The following CNBD1 variants were observed in gnomAD, a reference collection of about 807,000 sequenced individuals.
CNBD1 encodes cyclic nucleotide-binding domain-containing protein 1.
In CNBD1, 71 loss-of-function variants were observed where a neutral mutation model predicts 54.4. The observed-to-expected ratio is 1.30, with a 90% confidence interval of 1.08 to 1.59. The LOEUF (loss-of-function observed/expected upper bound fraction) is 1.59, where lower values mean the gene tolerates loss of function less well. CNBD1 is among the 40% of genes most tolerant of loss of function. CNBD1 has a pLI of 0.00. For missense variants in CNBD1, 659 were observed against 518.0 expected, an observed-to-expected ratio of 1.27 and a Z score of -2.64; for synonymous variants, 182 against 170.7, an observed-to-expected ratio of 1.07 and a Z score of -0.51.
At chr8:87,109,952 C>G (rs566162557) in intron 4 of CNBD1, among the ~76,000 whole-genome samples, 1 of 152,126 alleles carries the variant, frequency 6.6e-6, no homozygotes, top group Non-Finnish European at 1.5e-5. Flanking sequence ...TGCCTCTTCC[C>G]CAGGCCTTCT....
intron 2 of CNBD1, among the ~76,000 whole-genome samples, chr8:87,407,215 A>G (rs1420221307): frequency 6.6e-6 from 1 of 152,080 alleles, no homozygotes; most frequent in African/African-American, 2.4e-5. Context: ...CTCACTGGTA[A>G]TATTATGAGT....
In CNBD1 at chr8:86,925,069, A is replaced by G. The variant is rs182050179; in HGVS notation, c.273-14527A>G. On this transcript the variant is annotated intron_variant, in intron 3 of 10. Coordinates refer to ENST00000518476, the MANE Select transcript of CNBD1 (RefSeq NM_173538.3). Reference sequence around the variant, plus strand: ...ACCTTAAAATATTCTTTCTTATATTATAAGAGATGACAGGATTTCAATATT... The same window carrying G: ...ACCTTAAAATATTCTTTCTTATATTGTAAGAGATGACAGGATTTCAATATT... Among the ~76,000 whole-genome samples the G allele has an allele frequency of 7.3e-4, 111 of 152,302 alleles. 1 individual carries two copies. The highest frequency in any genetic ancestry group is 2.1e-3 in the African/African-American group (88 of 41,570).
intron 4 of CNBD1, among the ~76,000 whole-genome samples, chr8:86,941,532 C>T (rs1055621826): frequency 6.6e-6 from 1 of 152,032 alleles, no homozygotes; most frequent in Non-Finnish European, 1.5e-5. Flanking sequence ...GTCTTTTTTA[C>T]TATAGTGAGA....
intron 5 of CNBD1, among the ~76,000 whole-genome samples, chr8:87,225,005 A>G (rs1471261462): frequency 2.0e-5 from 3 of 152,128 alleles, no homozygotes; most frequent in African/African-American, 2.4e-5. Flanking sequence ...CTTTGAAGCA[A>G]TTGTGAATGG....
chr8:86,931,880 C>T (rs1809463805), intron 3 of CNBD1, among the ~76,000 whole-genome samples: 1 of 152,100 alleles, frequency 6.6e-6, no homozygotes, highest in African/African-American at 2.4e-5. Flanking sequence ...TCTTCCTTTC[C>T]CTGAGTTATG....
chr8:87,054,639 A>T (rs189674173), intron 4 of CNBD1, among the ~76,000 whole-genome samples: 1 of 152,342 alleles, frequency 6.6e-6, no homozygotes, highest in Non-Finnish European at 1.5e-5. Flanking sequence ...AAAGGAAGAA[A>T]ATGCAACAGA....
chr8:87,021,690 A>G (rs888077593), intron 4 of CNBD1, among the ~76,000 whole-genome samples: 5 of 152,226 alleles, frequency 3.3e-5, no homozygotes, highest in African/African-American at 9.6e-5. Context: ...ATGCTGTTTT[A>G]TACTTCAAAG....
chr8:87,239,386 TTTAC>T (rs1301070085), intron 6 of CNBD1, among the ~76,000 whole-genome samples: 1 of 152,176 alleles, frequency 6.6e-6, no homozygotes, highest in Non-Finnish European at 1.5e-5. Flanking sequence ...TTTTTGTGTA[TTTAC>T]TTAGTGGGCC....
At chr8:87,211,588 G>A (rs1159560193) in intron 5 of CNBD1, among the ~76,000 whole-genome samples, 1 of 152,080 alleles carries the variant, frequency 6.6e-6, no homozygotes. Flanking sequence ...ACAAGATCTG[G>A]TTGTTTAAAT....
intron 4 of CNBD1, among the ~76,000 whole-genome samples, chr8:86,985,283 T>C (rs1808581021): frequency 6.6e-6 from 1 of 152,128 alleles, no homozygotes; most frequent in African/African-American, 2.4e-5. Context: ...TATGTCTTTG[T>C]CAGCAGTGTG....
At chr8:87,101,270 T>C (rs1811424135) in intron 4 of CNBD1, among the ~76,000 whole-genome samples, 1 of 152,130 alleles carries the variant, frequency 6.6e-6, no homozygotes, top group African/African-American at 2.4e-5. Flanking sequence ...TGTTAACATC[T>C]TCAAAAACCA....
chr8:87,090,353 A>G (rs1315179659), intron 4 of CNBD1, among the ~76,000 whole-genome samples: 1 of 152,186 alleles, frequency 6.6e-6, no homozygotes, highest in Non-Finnish European at 1.5e-5. Flanking sequence ...TTAAGAGTAT[A>G]TAATGATAGA....
intron 4 of CNBD1, among the ~76,000 whole-genome samples, chr8:87,053,313 C>T (rs1810349459): frequency 6.6e-6 from 1 of 152,104 alleles, no homozygotes; most frequent in African/African-American, 2.4e-5. Flanking sequence ...GCCTGTCTGC[C>T]CTGCAGTTGG....
At chr8:87,055,910 C>G (rs1249467593) in intron 4 of CNBD1, among the ~76,000 whole-genome samples, 2 of 143,292 alleles carry the variant, frequency 1.4e-5, no homozygotes, top group Non-Finnish European at 1.5e-5. Flanking sequence ...TTCCTTCCTT[C>G]CTTCCTTCCT....
At chr8:87,403,695 C>T (rs531176110) in intron 2 of CNBD1, among the ~76,000 whole-genome samples, 17 of 151,798 alleles carry the variant, frequency 1.1e-4, no homozygotes, top group African/African-American at 3.6e-4. Context: ...ATTATATTTA[C>T]GACAACAGTT....
intron 5 of CNBD1, among the ~76,000 whole-genome samples, chr8:87,235,892 G>T (rs907515712): frequency 1.3e-5 from 2 of 152,022 alleles, no homozygotes; most frequent in African/African-American, 4.8e-5. Context: ...CTAGAAGGAG[G>T]TCTAGTTTAA....
intron 8 of CNBD1, among the ~76,000 whole-genome samples, chr8:87,320,701 GT>G (rs1809506878): frequency 6.6e-6 from 1 of 151,836 alleles, no homozygotes; most frequent in South Asian, 2.1e-4. Context: ...AAACCTATGT[GT>G]TTATTTATTT....
intron 2 of CNBD1, among the ~76,000 whole-genome samples, chr8:87,395,817 T>C (rs1260510276): frequency 1.3e-5 from 2 of 151,808 alleles, no homozygotes; most frequent in Non-Finnish European, 2.9e-5. Context: ...AATTGAATCA[T>C]GGGGGTGGTT....
At chr8:87,035,079 A>G (rs920131696) in intron 4 of CNBD1, among the ~76,000 whole-genome samples, 6 of 152,186 alleles carry the variant, frequency 3.9e-5, no homozygotes, top group Admixed American at 3.3e-4. Flanking sequence ...TTCCTTTTTT[A>G]TAAATATTAT....
Sources: allele counts gnomAD v4.1 joint callset (sites outside exome capture counted in the v4.1 genomes callset), GRCh38; gene constraint gnomAD v4.1.1; transcripts MANE v1.5; gene names NCBI Gene and HGNC (gene_info 2026-07-23, HGNC 2026-07-21).